Variants in JAK2 observed in about 807,000 individuals in gnomAD.
The protein encoded by JAK2 is tyrosine-protein kinase JAK2.
Under a neutral mutation model 139.3 loss-of-function variants are expected in JAK2, and 86 were observed. The observed-to-expected ratio is 0.62, with a 90% CI of 0.52 to 0.74. The LOEUF is 0.74. Among genes scored for constraint, JAK2 ranks in the 30% least tolerant of loss-of-function variants. The pLI, the probability that JAK2 is intolerant of heterozygous loss-of-function variation, is 0.00. For synonymous variants in JAK2, 490 were observed against 437.7 expected (o/e 1.12, Z -1.49); for missense variants, 1,421 against 1,360.3 (o/e 1.04, Z -0.70).
intron 22 of JAK2, chr9:5,110,972 A>G (rs2130796123): frequency 6.5e-6 from 4 of 613,444 alleles, no homozygotes; most frequent in Non-Finnish European, 9.0e-6. Context: ...AGTAACCTGG[A>G]CTTCAGCATG....
chr9:5,098,437 C>A (rs1357895260), intron 22 of JAK2: 1 of 152,086 alleles, frequency 6.6e-6, no homozygotes, highest in Non-Finnish European at 1.5e-5. Context: ...AATTATTTTC[C>A]TAATTAGTTC....
rs10974947 is a variant in JAK2 at position 5,072,846 on chromosome 9, G to A, written c.1776+220G>A. ...CCAAACTAATTATGTTTAGCATTAT[G>A]TTAGGAGTGTTATTACATTTCTGCA... On this transcript the variant is annotated intron_variant, in intron 13 of 24. Coordinates refer to ENST00000381652, the MANE Select transcript of JAK2 (RefSeq NM_004972.4). 0.23 allele frequency among the ~76,000 whole-genome samples: 35,537 copies of A among 152,046 alleles called. 4,307 individuals are homozygous for A. The highest frequency in any genetic ancestry group is 0.26 in the Middle Eastern group (77 of 294).
At chr9:4,995,313 T>G (rs924584506) in intron 2 of JAK2, among the ~76,000 whole-genome samples, 1 of 152,224 alleles carries the variant, frequency 6.6e-6, no homozygotes, top group African/African-American at 2.4e-5. Context: ...GGTTGTCTCT[T>G]TATCTTTTTG....
At chr9:5,056,077 A>C (rs1280786166) in intron 8 of JAK2, among the ~76,000 whole-genome samples, 4 of 152,010 alleles carry the variant, frequency 2.6e-5, no homozygotes, top group Non-Finnish European at 5.9e-5. Flanking sequence ...AGATTATACT[A>C]GTTCTCTGAT....
At chr9:4,991,670 C>A (rs1415027853) in intron 2 of JAK2, among the ~76,000 whole-genome samples, 2 of 151,998 alleles carry the variant, frequency 1.3e-5, no homozygotes, top group East Asian at 3.8e-4. Flanking sequence ...ATGACAAAAA[C>A]CAGCAAACTC....
chr9:5,104,454 G>T (rs1821788565), intron 22 of JAK2, among the ~76,000 whole-genome samples: 1 of 152,160 alleles, frequency 6.6e-6, no homozygotes, highest in African/African-American at 2.4e-5. Flanking sequence ...GGACCAGATG[G>T]ACTCACAGCC....
At position 5,064,771 on chromosome 9, in the gene JAK2, A is replaced by G. The variant is rs1385727258; in HGVS notation, c.1057-112A>G. 3.0e-5 allele frequency: 21 copies of G among 705,034 alleles called. 1 individual carries two copies. In the East Asian group the frequency reaches 4.9e-4, roughly 16 times the overall value. The allele number at this position is 705,034 out of a possible 1,614,324, so 43.7% of individuals were successfully genotyped here. A position where few individuals can be genotyped will look rare whatever the true frequency, so the allele number is the denominator to read the frequency against. ...TATTGAGTACTGAGCCATAAAAGAT[A>G]TGAGCAATTTAGAAGAAAATTGTAT... On this transcript the variant is annotated intron_variant, in intron 8 of 24. Coordinates refer to ENST00000381652, the MANE Select transcript of JAK2 (RefSeq NM_004972.4).
At chr9:5,007,874 C>T (rs1460182988) in intron 2 of JAK2, among the ~76,000 whole-genome samples, 5 of 151,866 alleles carry the variant, frequency 3.3e-5, no homozygotes, top group East Asian at 1.9e-4. Context: ...ATTACAGGCA[C>T]GTGCCACCAC....
intron 2 of JAK2, among the ~76,000 whole-genome samples, chr9:5,006,183 G>A (rs1247394363): frequency 6.6e-6 from 1 of 152,120 alleles, no homozygotes; most frequent in East Asian, 1.9e-4. Context: ...GCAGTGGTTT[G>A]TAGTTCTCCT....
chr9:5,033,155 G>C (rs1563940904), intron 4 of JAK2, among the ~76,000 whole-genome samples: 2 of 152,210 alleles, frequency 1.3e-5, no homozygotes, highest in Non-Finnish European at 2.9e-5. Context: ...AGAGATGGAA[G>C]ATGAAATGAA....
At chr9:5,014,381 T>C (rs968302838) in intron 2 of JAK2, among the ~76,000 whole-genome samples, 4 of 152,200 alleles carry the variant, frequency 2.6e-5, no homozygotes, top group African/African-American at 9.6e-5. Flanking sequence ...TATATACTCT[T>C]CATTTATTCA....
intron 11 of JAK2, 122 bp downstream of exon 11, chr9:5,069,330 A>T: frequency 1.6e-6 from 1 of 634,776 alleles, no homozygotes; most frequent in South Asian, 2.3e-5. Flanking sequence ...AGTTAATTTT[A>T]TCTTATTCTA....
chr9:5,019,942 G>T (rs1285515088), intron 2 of JAK2, among the ~76,000 whole-genome samples: 1 of 152,178 alleles, frequency 6.6e-6, no homozygotes, highest in Non-Finnish European at 1.5e-5. Flanking sequence ...GGACAACCAT[G>T]CCTGTACATT....
intron 22 of JAK2, among the ~76,000 whole-genome samples, chr9:5,116,143 T>G (rs142902109): frequency 6.6e-6 from 1 of 152,218 alleles, no homozygotes; most frequent in East Asian, 1.9e-4. Context: ...TTAATCCTCA[T>G]AACAACCCTT....
chr9:5,026,005 G>T (rs1165607082), intron 3 of JAK2, among the ~76,000 whole-genome samples: 2 of 152,030 alleles, frequency 1.3e-5, no homozygotes, highest in Non-Finnish European at 2.9e-5. Flanking sequence ...GTGTTTATCT[G>T]TGCCTCTTTT....
rs534120966 is a variant in JAK2, at chr9:5,082,591, G to A, written c.2571+730G>A. ...TCCCCAGCACAGACCCTTCACGGATGTTGGGCTGGGGGACGGTCAGGTCTT... is the reference window on the plus strand; with the variant it reads ...TCCCCAGCACAGACCCTTCACGGATATTGGGCTGGGGGACGGTCAGGTCTT... On this transcript the variant is annotated intron_variant, in intron 19 of 24. Transcript: ENST00000381652. Among the ~76,000 whole-genome samples the A allele has an allele frequency of 3.9e-5, 6 of 152,368 alleles. 1 individual carries two copies. The East Asian group carries it at 1.2e-3, about 29-fold the overall frequency.
intron 5 of JAK2, among the ~76,000 whole-genome samples, chr9:5,045,580 C>G (rs965539969): frequency 6.6e-6 from 1 of 152,156 alleles, no homozygotes; most frequent in Admixed American, 6.5e-5. Flanking sequence ...GTATTTCCCA[C>G]TCCCAATGGC....
In JAK2 at chr9:5,129,252, T is replaced by A. The variant is rs2130875060; in HGVS notation, c.*2461T>A. Among the ~76,000 whole-genome samples the A allele has an allele frequency of 6.6e-6, 1 of 152,168 alleles. No homozygotes were observed. ...GCCTATGTTAATTTCTTTAGCATGCTCCCCCTAAATTGAAATAGTGATGTA... is the reference window on the plus strand; with the variant it reads ...GCCTATGTTAATTTCTTTAGCATGCACCCCCTAAATTGAAATAGTGATGTA... On this transcript the variant is annotated 3_prime_UTR_variant, in exon 25 of 25. Coordinates refer to ENST00000381652, the MANE Select transcript of JAK2 (RefSeq NM_004972.4).
At chr9:5,030,210 G>C (rs560171761) in intron 4 of JAK2, among the ~76,000 whole-genome samples, 1 of 152,186 alleles carries the variant, frequency 6.6e-6, no homozygotes, top group East Asian at 1.9e-4. Context: ...CTAAATGTTT[G>C]GGATATTGCT....
Sources: gnomAD v4.1 joint callset for allele counts (sites outside exome capture counted in the v4.1 genomes callset) on GRCh38, gnomAD v4.1.1 for gene constraint, MANE v1.5 for transcripts, NCBI Gene and HGNC (gene_info 2026-07-23, HGNC 2026-07-21) for gene names.